The following ESR2 variants were observed in gnomAD, a reference collection of about 807,000 sequenced individuals.
ESR2 encodes estrogen receptor beta.
ESR2 carries 36 observed loss-of-function variants against 49.6 expected under a neutral mutation model. The observed-to-expected ratio is 0.73, with a 90% confidence interval of 0.56 to 0.96. The LOEUF is 0.96. ESR2 is among the 40% of genes least tolerant of loss of function. The pLI is 0.00. For missense variants in ESR2, 714 were observed against 693.0 expected (o/e 1.03, Z -0.34); for synonymous variants, 320 against 266.1 (o/e 1.20, Z -1.97).
At chr14:64,260,116 T>A in intron 5 of ESR2, 1 of 525,720 alleles carries the variant, frequency 1.9e-6, no homozygotes, top group East Asian at 4.9e-5. Flanking sequence ...ATAGGGTTTG[T>A]GCAAGGTGGT....
rs1405861542 is a variant in ESR2, at chr14:64,235,089, C to T, written c.1287G>A (p.Leu429=). 4 of 1,614,202 alleles carry T rather than the reference C, an allele frequency of 2.5e-6. No homozygotes were observed. Among genetic ancestry groups the T allele is most frequent in the Non-Finnish European group, 3.4e-6 (4 of 1,180,038 alleles). Residue 429 remains leucine (L), a synonymous_variant, in exon 8 of 9, where the codon TTG becomes TTA. Transcript: ENST00000341099. The stretch of plus-strand genomic sequence containing the variant: ...CCAAAGCATCGGTCACGGCGTTCAG[C>T]AAGTGAGCCAGCTTCCGGCTGCTGT... ...DADSSRKLAH[L]LNAVTDALVW...
intron 5 of ESR2, among the ~76,000 whole-genome samples, chr14:64,258,854 A>T (rs1396579982): frequency 2.0e-5 from 3 of 152,216 alleles, no homozygotes; most frequent in African/African-American, 7.2e-5. Context: ...AGGCTAGATG[A>T]TATTTTAATA....
chr14:64,227,423 A>T, downstream of ESR2: 1 of 1,275,904 alleles, frequency 7.8e-7, no homozygotes, highest in Non-Finnish European at 1.1e-6. Context: ...AAAGTATTTT[A>T]ACTCTTTCTT....
At chr14:64,271,413 C>T (rs1408639959) in intron 3 of ESR2, among the ~76,000 whole-genome samples, 2 of 152,206 alleles carry the variant, frequency 1.3e-5, no homozygotes, top group Non-Finnish European at 2.9e-5. Context: ...GCAACCTCCA[C>T]CTCCCGGGTT....
chr14:64,319,387 T>C (rs1031581205), intron 1 of ESR2, among the ~76,000 whole-genome samples: 1 of 150,844 alleles, frequency 6.6e-6, no homozygotes, highest in African/African-American at 2.4e-5. Context: ...TTGGATACAA[T>C]AGAAAAGCAA....
chr14:64,299,154 A>AT (rs933840063), upstream of ESR2, among the ~76,000 whole-genome samples: 12 of 149,258 alleles, frequency 8.0e-5, no homozygotes, highest in African/African-American at 2.5e-4. Context: ...CTGAAATGAG[A>AT]TAAAAAAAAA....
chr14:64,316,881 A>T (rs2077262427), intron 1 of ESR2, among the ~76,000 whole-genome samples: 2 of 152,206 alleles, frequency 1.3e-5, no homozygotes, highest in African/African-American at 4.8e-5. Flanking sequence ...CCTTAACAAA[A>T]TATTATCAAA....
At chr14:64,253,330 A>G (rs2140693149) in intron 6 of ESR2, among the ~76,000 whole-genome samples, 1 of 151,876 alleles carries the variant, frequency 6.6e-6, no homozygotes, top group East Asian at 1.9e-4. Context: ...AGCTGGGATT[A>G]CAGGCGCCTG....
intron 1 of ESR2, among the ~76,000 whole-genome samples, chr14:64,310,289 T>A (rs12432174): frequency 0.019 from 2,406 of 124,296 alleles, 68 homozygotes; most frequent in East Asian, 0.11. Flanking sequence ...TCTCAAAAAA[T>A]AATAATAATA....
At chr14:64,331,217 T>C (rs2077453550) in intron 1 of ESR2, among the ~76,000 whole-genome samples, 1 of 152,220 alleles carries the variant, frequency 6.6e-6, no homozygotes, top group African/African-American at 2.4e-5. Flanking sequence ...TATCTAGCTA[T>C]GTTAATATCA....
chr14:64,287,383 C>A (rs1311619469), intron 1 of ESR2, among the ~76,000 whole-genome samples: 1 of 152,210 alleles, frequency 6.6e-6, no homozygotes, highest in Non-Finnish European at 1.5e-5. Context: ...AAATACAGAT[C>A]TCACATCTCA....
rs139887557 is a variant in ESR2 at position 64,230,368 on chromosome 14, C to T, written c.*2769G>A. ...AAATTCTAGAATTGCTTCAATTCCACTTATATACATAAATATATATGGATA... is the reference window on the plus strand; with the variant it reads ...AAATTCTAGAATTGCTTCAATTCCATTTATATACATAAATATATATGGATA... On this transcript the variant is annotated 3_prime_UTR_variant, in exon 9 of 9. Transcript: ENST00000341099. 2.8e-3 allele frequency among the ~76,000 whole-genome samples: 432 copies of T among 152,266 alleles called. 1 individual carries two copies. The highest frequency in any genetic ancestry group is 1.0e-2 in the African/African-American group (414 of 41,550).
At chr14:64,247,442 C>T (rs933651620) in intron 7 of ESR2, among the ~76,000 whole-genome samples, 1 of 152,162 alleles carries the variant, frequency 6.6e-6, no homozygotes, top group African/African-American at 2.4e-5. Flanking sequence ...AAACATGTGA[C>T]CACAGTGAAT....
intron 3 of ESR2, among the ~76,000 whole-genome samples, chr14:64,273,205 C>A (rs1278396177): frequency 2.0e-5 from 3 of 151,926 alleles, no homozygotes; most frequent in Admixed American, 2.0e-4. Flanking sequence ...TTTATTAGAT[C>A]TAATAGTTTT....
chr14:64,291,678 A>G (rs942642874), intron 1 of ESR2, among the ~76,000 whole-genome samples: 3 of 152,212 alleles, frequency 2.0e-5, no homozygotes, highest in African/African-American at 7.2e-5. Context: ...TCTAGACTTC[A>G]AGACATGAGC....
At chr14:64,268,343 T>C (rs997373774) in intron 4 of ESR2, among the ~76,000 whole-genome samples, 2 of 152,220 alleles carry the variant, frequency 1.3e-5, no homozygotes, top group Admixed American at 1.3e-4. Context: ...GGGATAGGTG[T>C]GAGCCTCCCC....
upstream of ESR2, among the ~76,000 whole-genome samples, chr14:64,294,636 C>T (rs189364294): frequency 1.9e-3 from 294 of 152,270 alleles, no homozygotes; most frequent in African/African-American, 6.9e-3. Flanking sequence ...CCAACCAGGT[C>T]CTGGGGGATG....
chr14:64,292,075 A>C (rs1182332808), intron 1 of ESR2, among the ~76,000 whole-genome samples: 1 of 152,200 alleles, frequency 6.6e-6, no homozygotes, highest in Non-Finnish European at 1.5e-5. Flanking sequence ...AACTAAATCT[A>C]TTAGCCCTAT....
intron 7 of ESR2, among the ~76,000 whole-genome samples, chr14:64,235,796 A>C (rs561516940): frequency 6.6e-6 from 1 of 152,282 alleles, no homozygotes; most frequent in East Asian, 1.9e-4. Context: ...ACATCTGCTT[A>C]GGTCCCCACA....
Sources: allele counts gnomAD v4.1 joint callset (sites outside exome capture counted in the v4.1 genomes callset), GRCh38; gene constraint gnomAD v4.1.1; transcripts MANE v1.5; gene names NCBI Gene and HGNC (gene_info 2026-07-23, HGNC 2026-07-21).